Variants in SLC4A7 observed in about 807,000 individuals in gnomAD.
SLC4A7 encodes the protein solute carrier family 4 member 7.
SLC4A7 carries 51 observed loss-of-function variants against 137.6 expected under a neutral mutation model. The ratio of observed to expected loss-of-function variants is 0.37; its 90% confidence interval spans 0.30 to 0.47. The LOEUF is 0.47. Among genes scored for constraint, SLC4A7 ranks in the 20% least tolerant of loss-of-function variants. SLC4A7 has a pLI of 1.00. For synonymous variants in SLC4A7, 542 were observed against 518.6 expected (o/e 1.05, Z -0.61); for missense variants, 1,247 against 1,525.4 (o/e 0.82, Z 3.04).
At chr3:27,394,922 T>C in intron 19 of SLC4A7, 32 bp downstream of exon 19, 1 of 1,566,916 alleles carries the variant, frequency 6.4e-7, no homozygotes, top group Non-Finnish European at 8.6e-7. Context: ...CCTTGAAGAA[T>C]CACAATGCTT....
chr3:27,444,585 C>T (rs969101832), intron 3 of SLC4A7, among the ~76,000 whole-genome samples: 1 of 152,168 alleles, frequency 6.6e-6, no homozygotes, highest in Non-Finnish European at 1.5e-5. Context: ...TGTAGTAAAT[C>T]TTCAGTTAAT....
intron 5 of SLC4A7, among the ~76,000 whole-genome samples, chr3:27,435,311 C>T (rs995365510): frequency 5.3e-5 from 8 of 152,060 alleles, no homozygotes; most frequent in Admixed American, 1.3e-4. Flanking sequence ...CTACTTTCTA[C>T]CTCCACATTA....
Position 27,418,594 on chromosome 3 carries a change from A to C in SLC4A7, c.1551T>G (p.Asn517Lys). The C allele has an allele frequency of 6.3e-7, 1 of 1,596,730 alleles. No individual in the cohort carries two copies. The highest frequency in any genetic ancestry group is 1.3e-5 in the African/African-American group (1 of 74,636). Residue 517 changes from asparagine (N) to lysine (K), a missense_variant, in exon 11 of 26, where the codon AAT becomes AAG. Asn to Lys is a moderately conservative substitution (Grantham distance 94). This residue lies in a region of SLC4A7 where 499 missense variants were observed against 664.2 expected (regional missense o/e 0.75). Coordinates refer to ENST00000454389, the MANE Select transcript of SLC4A7 (RefSeq NM_001321103.2). ...ATTCATCAATTCCAGATAAGAGGTC[A>C]TTTCTGTCTTTTGCTTTATAAGCTA... is the stretch of plus-strand genomic sequence containing the variant. ...HDVAYKAKDR[N>K]DLLSGIDEFL...
At chr3:27,443,124 C>T (rs372053080) in intron 3 of SLC4A7, among the ~76,000 whole-genome samples, 31 of 150,516 alleles carry the variant, frequency 2.1e-4, no homozygotes, top group African/African-American at 7.3e-4. Flanking sequence ...CTCTGCCTCC[C>T]GCATTCAAGC....
chr3:27,437,351 CAA>C (rs538588474), intron 4 of SLC4A7, 35 bp downstream of exon 4: 1,482 of 1,099,388 alleles, frequency 1.3e-3, no homozygotes, highest in South Asian at 3.9e-3. Flanking sequence ...AACTCCATCT[CAA>C]AAAAAAAAAA....
intron 15 of SLC4A7, chr3:27,401,118 C>T: frequency 6.9e-6 from 2 of 287,822 alleles, no homozygotes; most frequent in Non-Finnish European, 6.4e-6. Flanking sequence ...TTGGTGAGGG[C>T]ACTATTTTAC....
At position 27,373,071 on chromosome 3, in the gene SLC4A7, A is replaced by AG; in HGVS notation, c.*3692_*3693insC. On this transcript the variant is annotated 3_prime_UTR_variant, in exon 26 of 26. Coordinates refer to ENST00000454389, the MANE Select transcript of SLC4A7 (RefSeq NM_001321103.2). ...GAAGACAATCTCCCCCATGGGGAAGAAAAAAAAAAAAAACCTTGAATAATA... is the reference window on the plus strand; with the variant it reads ...GAAGACAATCTCCCCCATGGGGAAGAGAAAAAAAAAAAAACCTTGAATAATA... 7.7e-5 allele frequency: 1 copy of AG among 12,960 alleles called. No homozygotes were observed. Among genetic ancestry groups the AG allele is most frequent in the South Asian group, 2.3e-3 (1 of 444 alleles). 0.8% of individuals were successfully genotyped at this position (12,960 alleles called of 1,614,324 possible). A position where few individuals can be genotyped will look rare whatever the true frequency, so the allele number is the denominator to read the frequency against.
intron 1 of SLC4A7, among the ~76,000 whole-genome samples, chr3:27,453,923 T>C: frequency 6.6e-6 from 1 of 152,182 alleles, no homozygotes; most frequent in African/African-American, 2.4e-5. Flanking sequence ...CAATTTAATA[T>C]AGGTAACAGA....
chr3:27,409,953 C>T (rs2053746760), intron 12 of SLC4A7, among the ~76,000 whole-genome samples: 1 of 152,098 alleles, frequency 6.6e-6, no homozygotes, highest in African/African-American at 2.4e-5. Context: ...AATTATTATC[C>T]AAATACACTT....
intron 1 of SLC4A7, among the ~76,000 whole-genome samples, chr3:27,454,065 C>T (rs1334127237): frequency 2.0e-5 from 3 of 152,076 alleles, no homozygotes; most frequent in East Asian, 1.9e-4. Context: ...AATCCCAGTA[C>T]TTTGGGAGGC....
intron 5 of SLC4A7, among the ~76,000 whole-genome samples, chr3:27,435,691 T>A (rs2150398556): frequency 6.6e-6 from 1 of 152,188 alleles, no homozygotes; most frequent in South Asian, 2.1e-4. Flanking sequence ...AATTCAAAAA[T>A]TAGCCAGGCG....
At position 27,397,701 on chromosome 3, in the gene SLC4A7, C is replaced by T; in HGVS notation, c.2686G>A (p.Val896Ile). The stretch of plus-strand genomic sequence containing the variant: ...ATCCTTACCTCAAATTTTTCAGGAA[C>T]ATGAAGTTTAGGAGATGGAACTCCT... ...LVGVPSPKLH[V>I]PEKFEPTHPE... Residue 896 changes from valine to isoleucine, a missense_variant, in exon 18 of 26, where the codon GTT becomes ATT. Physicochemically the swap from Val to Ile is conservative, Grantham distance 29. Around this residue, in one of 6 missense-constraint regions of SLC4A7, gnomAD observed 499 missense variants for 664.2 expected, o/e 0.75. Transcript: ENST00000454389. The T allele has an allele frequency of 1.9e-6, 3 of 1,592,636 alleles. No homozygotes were observed. Among genetic ancestry groups the T allele is most frequent in the Non-Finnish European group, 2.6e-6 (3 of 1,163,072 alleles).
chr3:27,399,483 G>A (rs940822955), intron 16 of SLC4A7, among the ~76,000 whole-genome samples: 2 of 152,072 alleles, frequency 1.3e-5, no homozygotes, highest in Admixed American at 6.6e-5. Context: ...CGCCCAGGCT[G>A]GTGAGCAGTG....
At chr3:27,388,559 A>G (rs568252729) in intron 22 of SLC4A7, among the ~76,000 whole-genome samples, 3 of 152,268 alleles carry the variant, frequency 2.0e-5, no homozygotes, top group African/African-American at 7.2e-5. Flanking sequence ...TCCAGTGTCA[A>G]TTTTGGAAAT....
intron 3 of SLC4A7, among the ~76,000 whole-genome samples, chr3:27,438,631 C>G (rs757650638): frequency 1.3e-5 from 2 of 149,392 alleles, no homozygotes; most frequent in African/African-American, 2.5e-5. Flanking sequence ...AATAACATAA[C>G]ATAAAATAAC....
chr3:27,458,724 C>T (rs772647360), intron 1 of SLC4A7, among the ~76,000 whole-genome samples: 1 of 152,170 alleles, frequency 6.6e-6, no homozygotes, highest in Non-Finnish European at 1.5e-5. Flanking sequence ...GGCAAGGTGG[C>T]TCATGCCAGT....
In SLC4A7 at chr3:27,395,042, G is replaced by A. The variant is rs1284890658; in HGVS notation, c.2777C>T (p.Ala926Val). Residue 926 changes from alanine to valine, a missense_variant, in exon 19 of 26, where the codon GCT (alanine) becomes GTT (valine). Transcript: ENST00000454389. ...DNPWWTLLIA[A>V]IPALLCTILI... ...AATGGTACAAAGCAAAGCAGGAATA[G>A]CAGCTATTAATAAGGTCCACCAAGG... 8.1e-6 allele frequency: 13 copies of A among 1,612,758 alleles called. No homozygotes were observed. The highest frequency in any genetic ancestry group is 4.4e-5 in the South Asian group (4 of 90,844).
chr3:27,406,196 T>C (rs57179238), intron 13 of SLC4A7, among the ~76,000 whole-genome samples: 4,653 of 152,280 alleles, frequency 0.031, 251 homozygotes, highest in African/African-American at 0.11. Flanking sequence ...GGCCATATCT[T>C]AACCTTTCTA....
At chr3:27,418,104 T>G (rs981348312) in intron 11 of SLC4A7, among the ~76,000 whole-genome samples, 1 of 152,096 alleles carries the variant, frequency 6.6e-6, no homozygotes, top group Non-Finnish European at 1.5e-5. Context: ...TAGAATAAAT[T>G]ATGGTACATC....
Sources: gnomAD v4.1 joint callset for allele counts (sites outside exome capture counted in the v4.1 genomes callset) on GRCh38, gnomAD v4.1.1 for gene constraint, gnomAD v4.1.1 regional missense constraint, MANE v1.5 for transcripts, NCBI Gene and HGNC (gene_info 2026-07-23, HGNC 2026-07-21) for gene names.